MAML2: variants seen among roughly 807,000 people sequenced by gnomAD.
The protein encoded by MAML2 is mastermind like transcriptional coactivator 2, also known as mastermind-like protein 2.
Under a neutral mutation model 96.1 loss-of-function variants are expected in MAML2, and 22 were observed. That is an observed-to-expected ratio of 0.23 (90% CI 0.16 to 0.33). The LOEUF is 0.33. Among genes scored for constraint, MAML2 ranks in the 10% least tolerant of loss-of-function variants. MAML2 has a pLI of 1.00. For missense variants in MAML2, 1,367 were observed against 1,392.4 expected, an observed-to-expected ratio of 0.98 and a Z score of 0.29; for synonymous variants, 561 against 521.3, an observed-to-expected ratio of 1.08 and a Z score of -1.04.
At position 96,301,494 on chromosome 11, in the gene MAML2, C is replaced by A. The variant is rs1053441555; in HGVS notation, c.513+39889G>T. 2.6e-5 allele frequency among the ~76,000 whole-genome samples: 4 copies of A among 152,164 alleles called. No individual in the cohort carries two copies. In the South Asian group the frequency reaches 8.3e-4, roughly 32 times the overall value. On this transcript the variant is annotated intron_variant, in intron 1 of 4. Transcript: ENST00000524717. ...CAATGGTTAGATTCTAGAGCAGAGC[C>A]GTCCCACATACAGACCCTGGTCATG...
At chr11:96,046,828 C>T (rs1565198747) in intron 2 of MAML2, among the ~76,000 whole-genome samples, 1 of 152,182 alleles carries the variant, frequency 6.6e-6, no homozygotes, top group Non-Finnish European at 1.5e-5. Flanking sequence ...ACCTCCAAAA[C>T]CTGTGCCCTC....
intron 1 of MAML2, among the ~76,000 whole-genome samples, chr11:96,182,638 G>A (rs1214825649): frequency 6.6e-6 from 1 of 152,162 alleles, no homozygotes; most frequent in Non-Finnish European, 1.5e-5. Flanking sequence ...ATGCCATCAT[G>A]TGTATGTCCT....
In MAML2 at chr11:96,155,864, G is replaced by A. The variant is rs371919539; in HGVS notation, c.514-62347C>T. Among the ~76,000 whole-genome samples the A allele has an allele frequency of 7.9e-5, 12 of 152,146 alleles. No individual in the cohort carries two copies. The South Asian group carries it at 1.0e-3, about 13-fold the overall frequency. ...CTGTCGCCTGATGTGTGTCTGGGAC[G>A]TAACTGCAATGTGGCCTCTGTGGAT... On this transcript the variant is annotated intron_variant, in intron 1 of 4. Coordinates refer to ENST00000524717, the MANE Select transcript of MAML2 (RefSeq NM_032427.4).
chr11:96,333,617 C>T (rs986749631), intron 1 of MAML2, among the ~76,000 whole-genome samples: 1 of 152,174 alleles, frequency 6.6e-6, no homozygotes, highest in African/African-American at 2.4e-5. Flanking sequence ...GTGAGAGCCA[C>T]ATCAAGGCAT....
chr11:96,042,222 T>C (rs76943748), intron 2 of MAML2, among the ~76,000 whole-genome samples: 29,104 of 152,088 alleles, frequency 0.19, 3,131 homozygotes, highest in East Asian at 0.32. Flanking sequence ...GTGATCCACC[T>C]GCCTTGGCCT....
chr11:95,996,213 G>A (rs566337694), intron 2 of MAML2, among the ~76,000 whole-genome samples: 1 of 152,226 alleles, frequency 6.6e-6, no homozygotes, highest in African/African-American at 2.4e-5. Context: ...AGACCAAAAT[G>A]TACTTAGAAA....
intron 2 of MAML2, among the ~76,000 whole-genome samples, chr11:96,065,415 G>GCACACACACACACA (rs35035966): frequency 1.3e-4 from 20 of 149,462 alleles, no homozygotes; most frequent in Admixed American, 3.3e-4. Context: ...GTGCGTGCAT[G>GCACACACACACACA]CACACACACA....
intron 2 of MAML2, among the ~76,000 whole-genome samples, chr11:96,071,440 G>C (rs1220246957): frequency 6.6e-6 from 1 of 152,274 alleles, no homozygotes; most frequent in Non-Finnish European, 1.5e-5. Flanking sequence ...TGTAGCTCCA[G>C]GCAGTATTGG....
intron 1 of MAML2, among the ~76,000 whole-genome samples, chr11:96,160,084 G>C (rs1200958046): frequency 6.6e-6 from 1 of 152,106 alleles, no homozygotes; most frequent in Non-Finnish European, 1.5e-5. Flanking sequence ...TTCCCCTATA[G>C]AAAGAGATTA....
rs145178127 is a variant in MAML2 at position 96,103,324 on chromosome 11, G to C, written c.514-9807C>G. On this transcript the variant is annotated intron_variant, in intron 1 of 4. Coordinates refer to ENST00000524717, the MANE Select transcript of MAML2 (RefSeq NM_032427.4). ...GACTTATCAGGCACCTAGTGGCCTG[G>C]GAACATCAGATGAGTCAGTTTATGG... 2.2e-3 allele frequency among the ~76,000 whole-genome samples: 331 copies of C among 152,200 alleles called. 2 individuals carry two copies. Among genetic ancestry groups the C allele is most frequent in the African/African-American group, 5.6e-3 (234 of 41,514 alleles).
intron 1 of MAML2, among the ~76,000 whole-genome samples, chr11:96,309,283 C>A (rs1243370310): frequency 6.6e-6 from 1 of 152,200 alleles, no homozygotes. Context: ...TTCAAAACTG[C>A]CCTTTAGTTT....
chr11:96,185,072 C>T lies in MAML2; in HGVS notation c.514-91555G>A, dbSNP rs373715669. 3.9e-5 allele frequency among the ~76,000 whole-genome samples: 6 copies of T among 152,256 alleles called. No individual in the cohort carries two copies. In the East Asian group the frequency reaches 9.6e-4, roughly 24 times the overall value. ...TCCAATTGGCACCCAAAATCCACTA[C>T]ATAAAGACTTTGAGTGCTCTGATTT... On this transcript the variant is annotated intron_variant, in intron 1 of 4. Coordinates refer to ENST00000524717, the MANE Select transcript of MAML2 (RefSeq NM_032427.4).
intron 1 of MAML2, among the ~76,000 whole-genome samples, chr11:96,241,807 C>A (rs147016457): frequency 9.8e-4 from 149 of 152,214 alleles, no homozygotes; most frequent in African/African-American, 3.4e-3. Context: ...TGGAAGTTTT[C>A]GAAATTCTAG....
intron 1 of MAML2, among the ~76,000 whole-genome samples, chr11:96,260,195 G>A (rs1242432572): frequency 6.6e-6 from 1 of 151,962 alleles, no homozygotes; most frequent in African/African-American, 2.4e-5. Flanking sequence ...TGGGGGATGG[G>A]GTGGGGGGAA....
intron 1 of MAML2, among the ~76,000 whole-genome samples, chr11:96,176,637 C>T (rs906604657): frequency 2.6e-5 from 4 of 152,010 alleles, no homozygotes; most frequent in African/African-American, 7.2e-5. Flanking sequence ...ACCACCTTTT[C>T]GAAGCCTAGT....
At chr11:96,225,268 G>A (rs1336752856) in intron 1 of MAML2, among the ~76,000 whole-genome samples, 1 of 152,184 alleles carries the variant, frequency 6.6e-6, no homozygotes, top group East Asian at 1.9e-4. Flanking sequence ...TTGATCACTT[G>A]CTATAGGGAA....
At chr11:96,289,942 A>T (rs1362565077) in intron 1 of MAML2, among the ~76,000 whole-genome samples, 1 of 152,200 alleles carries the variant, frequency 6.6e-6, no homozygotes, top group Non-Finnish European at 1.5e-5. Context: ...TAAATTAATC[A>T]TTACAATCAG....
At position 96,315,927 on chromosome 11, in the gene MAML2, T is replaced by C. The variant is rs539085727; in HGVS notation, c.513+25456A>G. On this transcript the variant is annotated intron_variant, in intron 1 of 4. Transcript: ENST00000524717. ...GGCAGGTAGACTGAAGCCATTAAGG[T>C]AGCCAAAAGCACCAGTCAACTGGGA... is the stretch of plus-strand genomic sequence containing the variant. Among the ~76,000 whole-genome samples the C allele has an allele frequency of 5.3e-5, 8 of 152,326 alleles. No individual in the cohort carries two copies. In the South Asian group the frequency reaches 1.4e-3, roughly 28 times the overall value.
chr11:96,116,183 A>G (rs1860237582), intron 1 of MAML2, among the ~76,000 whole-genome samples: 1 of 152,184 alleles, frequency 6.6e-6, no homozygotes, highest in South Asian at 2.1e-4. Flanking sequence ...TTATACCGCT[A>G]TAAGTGTGAA....
Sources: allele counts gnomAD v4.1 joint callset (sites outside exome capture counted in the v4.1 genomes callset), GRCh38; gene constraint gnomAD v4.1.1; transcripts MANE v1.5; gene names NCBI Gene and HGNC (gene_info 2026-07-23, HGNC 2026-07-21).